The following COG5 variants were observed in gnomAD, a reference collection of about 807,000 sequenced individuals.
COG5 encodes the protein conserved oligomeric Golgi complex subunit 5.
COG5 carries 86 observed loss-of-function variants against 110.4 expected under a neutral mutation model. The observed-to-expected ratio is 0.78, with a 90% CI of 0.65 to 0.93. The LOEUF is 0.93. Among genes scored for constraint, COG5 ranks in the 40% least tolerant of loss-of-function variants. The probability of loss-of-function intolerance (pLI) is 0.00; values close to 1 mark genes in which losing one functional copy is unlikely to be tolerated. For missense variants in COG5, 1,077 were observed against 987.0 expected (o/e 1.09, Z -1.22); for synonymous variants, 360 against 334.6 (o/e 1.08, Z -0.83).
rs748477039 is a variant in COG5, at chr7:107,397,412, A to G, written c.669+15090T>C. 2.0e-5 allele frequency among the ~76,000 whole-genome samples: 3 copies of G among 152,336 alleles called. No homozygotes were observed. The South Asian group carries it at 6.2e-4, about 32-fold the overall frequency. On this transcript the variant is annotated intron_variant, in intron 7 of 21. Transcript: ENST00000297135. ...AACAATGTTAGCACCACCTACACCC[A>G]GTCAAATCTGTTGGTGTAAGCCACT... is the stretch of plus-strand genomic sequence containing the variant.
chr7:107,315,920 G>A (rs1041192535), intron 11 of COG5, among the ~76,000 whole-genome samples: 7 of 152,110 alleles, frequency 4.6e-5, no homozygotes, highest in Non-Finnish European at 1.0e-4. Context: ...TCTACATATT[G>A]TATGTTTCCT....
In COG5 at chr7:107,303,155, A is replaced by G. The variant is rs1439368660; in HGVS notation, c.1109-4809T>C. On this transcript the variant is annotated intron_variant, in intron 11 of 21. Transcript: ENST00000297135. ...TTGTTGCCCAGGCTGGTCTCAAATG[A>G]TCCTCCCACCTCGGCCACCAAAGTG... 4.6e-5 allele frequency among the ~76,000 whole-genome samples: 7 copies of G among 151,962 alleles called. No homozygotes were observed. The East Asian group carries it at 1.2e-3, about 25-fold the overall frequency.
intron 7 of COG5, among the ~76,000 whole-genome samples, chr7:107,385,988 T>TTGTGTGTGTGTGTG (rs59992824): frequency 1.4e-5 from 2 of 144,734 alleles, no homozygotes; most frequent in Non-Finnish European, 3.0e-5. Flanking sequence ...AAACCAGGTT[T>TTGTGTGTGTGTGTG]TGTGTGTGTG....
intron 19 of COG5, among the ~76,000 whole-genome samples, chr7:107,221,388 C>T (rs1162489655): frequency 3.3e-5 from 5 of 152,026 alleles, no homozygotes; most frequent in Non-Finnish European, 7.4e-5. Context: ...GAATTTTGGT[C>T]CTCCCATCTC....
chr7:107,450,372 C>A, intron 6 of COG5: 1 of 152,314 alleles, frequency 6.6e-6, no homozygotes, highest in East Asian at 1.9e-4. Context: ...GAAGCTCTAT[C>A]ATTTGAGACA....
At chr7:107,335,940 C>T (rs1257876654) in intron 10 of COG5, among the ~76,000 whole-genome samples, 2 of 152,048 alleles carry the variant, frequency 1.3e-5, no homozygotes, top group African/African-American at 4.8e-5. Context: ...AATATGTATG[C>T]ACCCAATATT....
intron 6 of COG5, among the ~76,000 whole-genome samples, chr7:107,424,064 C>T (rs543167510): frequency 8.8e-4 from 133 of 151,936 alleles, no homozygotes; most frequent in Non-Finnish European, 1.5e-3. Flanking sequence ...CCCGAGCTCA[C>T]GAGTTTGAGA....
intron 6 of COG5, among the ~76,000 whole-genome samples, chr7:107,453,768 A>G (rs1340285592): frequency 6.6e-6 from 1 of 152,190 alleles, no homozygotes; most frequent in Non-Finnish European, 1.5e-5. Flanking sequence ...CAAAAGATTC[A>G]AATACTTAAC....
chr7:107,236,301 C>CTT lies in COG5; in HGVS notation c.2091+147_2091+148dup, dbSNP rs200299037. 9.4e-3 allele frequency: 5,360 copies of CTT among 569,504 alleles called. 9 individuals are homozygous for CTT. Among genetic ancestry groups the CTT allele is most frequent in the African/African-American group, 9.2e-3 (477 of 51,724 alleles). 35.3% of individuals were successfully genotyped at this position (569,504 alleles called of 1,614,324 possible). The stretch of plus-strand genomic sequence containing the variant: ...GTATAAAAGTATCTTTAAACTCTCC[C>CTT]TTTTTTTTTTTAACTATTTATGCTT... On this transcript the variant is annotated intron_variant, in intron 18 of 21. Transcript: ENST00000297135.
intron 6 of COG5, among the ~76,000 whole-genome samples, chr7:107,493,939 A>G (rs2299428): frequency 0.15 from 22,764 of 152,186 alleles, 2,110 homozygotes; most frequent in Non-Finnish European, 0.2. Context: ...TAGAAAAATA[A>G]TAACATGAAA....
intron 6 of COG5, among the ~76,000 whole-genome samples, chr7:107,441,255 CAAAAAAAAAAAA>C (rs551026030): frequency 2.8e-5 from 2 of 71,342 alleles, no homozygotes; most frequent in Non-Finnish European, 5.2e-5. Flanking sequence ...GACTCCGTCT[CAAAAAAAAAAAA>C]AAAAAAAAAA....
At chr7:107,415,832 G>GTA (rs1468014160) in intron 6 of COG5, among the ~76,000 whole-genome samples, 1 of 81,228 alleles carries the variant, frequency 1.2e-5, no homozygotes, top group African/African-American at 4.8e-5. Flanking sequence ...ACGTATGTAT[G>GTA]TATGTGTGTG....
chr7:107,510,117 G>A (rs1584913928), intron 6 of COG5, among the ~76,000 whole-genome samples: 1 of 152,038 alleles, frequency 6.6e-6, no homozygotes, highest in Non-Finnish European at 1.5e-5. Flanking sequence ...ACTGGATAGA[G>A]TCAAGACCCA....
chr7:107,474,325 G>A lies in COG5; in HGVS notation c.538+52912C>T. ...TACAATGAATCTTCATGTACTTGAT[G>A]TAATAATTTGTGTGGGATGTATTCC... On this transcript the variant is annotated intron_variant, in intron 6 of 21. Coordinates refer to ENST00000297135, the MANE Select transcript of COG5 (RefSeq NM_006348.5). The surrounding 1 kb of genome is among the most constrained non-coding windows in gnomAD (Gnocchi z 5.7). 6.2e-7 allele frequency: 1 copy of A among 1,611,600 alleles called. No homozygotes were observed.
At chr7:107,329,671 C>T (rs771173796) in intron 10 of COG5, among the ~76,000 whole-genome samples, 4 of 152,050 alleles carry the variant, frequency 2.6e-5, no homozygotes, top group Non-Finnish European at 2.9e-5. Context: ...GTGGGAGGAT[C>T]GCTTGAGGCC....
intron 10 of COG5, among the ~76,000 whole-genome samples, chr7:107,338,357 T>C (rs1810888925): frequency 1.3e-5 from 2 of 152,084 alleles, no homozygotes; most frequent in Non-Finnish European, 2.9e-5. Flanking sequence ...TACATGGCCA[T>C]ATGATCTTTG....
chr7:107,367,985 T>A (rs188228906), intron 8 of COG5, among the ~76,000 whole-genome samples: 1 of 152,080 alleles, frequency 6.6e-6, no homozygotes, highest in Admixed American at 6.5e-5. Flanking sequence ...ATTAAAATAA[T>A]TTAAAAATAG....
intron 16 of COG5, among the ~76,000 whole-genome samples, chr7:107,250,749 C>T (rs182602282): frequency 1.1e-4 from 16 of 151,922 alleles, no homozygotes; most frequent in South Asian, 4.2e-4. Flanking sequence ...GTAAAATTGA[C>T]GGGATAGGCT....
intron 6 of COG5, among the ~76,000 whole-genome samples, chr7:107,507,605 C>T (rs1004285385): frequency 2.0e-5 from 3 of 151,580 alleles, no homozygotes; most frequent in African/African-American, 4.9e-5. Flanking sequence ...CACACCCGGC[C>T]GAAATAAAAC....
Sources: allele counts gnomAD v4.1 joint callset (sites outside exome capture counted in the v4.1 genomes callset), GRCh38; gene constraint gnomAD v4.1.1; non-coding constraint Gnocchi (gnomAD v3.1); transcripts MANE v1.5; gene names NCBI Gene and HGNC (gene_info 2026-07-23, HGNC 2026-07-21).